ARHGAP10: variants seen among roughly 807,000 people sequenced by gnomAD.
ARHGAP10 encodes the protein Rho GTPase activating protein 10, also known as rho GTPase-activating protein 10.
In ARHGAP10, 87 loss-of-function variants were observed where a neutral mutation model predicts 108.6. The observed-to-expected ratio is 0.80, with a 90% CI of 0.67 to 0.96. ARHGAP10 has a LOEUF of 0.96. Ranked by LOEUF, ARHGAP10 falls within the 40% of genes least tolerant of loss-of-function variation. ARHGAP10 has a pLI of 0.00. For missense variants in ARHGAP10, 939 were observed against 954.5 expected, an observed-to-expected ratio of 0.98 and a Z score of 0.21; for synonymous variants, 347 against 341.1, an observed-to-expected ratio of 1.02 and a Z score of -0.19.
At chr4:147,995,772 A>G (rs2149639726) in intron 18 of ARHGAP10, among the ~76,000 whole-genome samples, 1 of 152,124 alleles carries the variant, frequency 6.6e-6, no homozygotes, top group East Asian at 1.9e-4. Flanking sequence ...GCTGGAATGC[A>G]GTGGCGCGAT....
At position 148,023,213 on chromosome 4, in the gene ARHGAP10, A is replaced by G. The variant is rs762206838; in HGVS notation, c.1717-50A>G. The G allele has an allele frequency of 4.4e-6, 7 of 1,598,006 alleles. No homozygotes were observed. In the Admixed American group the frequency reaches 1.0e-4, roughly 23 times the overall value. Reference sequence around the variant, plus strand: ...GTGCTGGTTTACTGGAGTAACACACAGGTTTCTGTTCATGGTAAATAATTC... The same window carrying G: ...GTGCTGGTTTACTGGAGTAACACACGGGTTTCTGTTCATGGTAAATAATTC... On this transcript the variant is annotated intron_variant, in intron 18 of 22. Coordinates refer to ENST00000336498, the MANE Select transcript of ARHGAP10 (RefSeq NM_024605.4).
chr4:147,791,756 T>G (rs1277576918), intron 1 of ARHGAP10, among the ~76,000 whole-genome samples: 2 of 152,058 alleles, frequency 1.3e-5, no homozygotes, highest in Non-Finnish European at 2.9e-5. Flanking sequence ...AGCTAGTTTT[T>G]GTATTTTTAG....
intron 13 of ARHGAP10, among the ~76,000 whole-genome samples, chr4:147,929,606 A>G (rs916628681): frequency 2.0e-5 from 3 of 152,194 alleles, no homozygotes; most frequent in Non-Finnish European, 4.4e-5. Context: ...ACATTTTTGT[A>G]ATCCACCTAT....
At position 147,999,611 on chromosome 4, in the gene ARHGAP10, C is replaced by A. The variant is rs150449250; in HGVS notation, c.1717-23652C>A. Among the ~76,000 whole-genome samples, 1,210 of 152,334 alleles carry A rather than the reference C, an allele frequency of 7.9e-3. 11 individuals carry two copies. The highest frequency in any genetic ancestry group is 0.028 in the African/African-American group (1,143 of 41,556). On this transcript the variant is annotated intron_variant, in intron 18 of 22. Transcript: ENST00000336498. ...AGTGCCCATGTTCGTCGTAATGGAGCTGAACACTAGTCACTGGGTTCCACG... is the reference window on the plus strand; with the variant it reads ...AGTGCCCATGTTCGTCGTAATGGAGATGAACACTAGTCACTGGGTTCCACG...
At chr4:147,821,507 ATAT>A (rs1308981395) in intron 1 of ARHGAP10, among the ~76,000 whole-genome samples, 2 of 152,208 alleles carry the variant, frequency 1.3e-5, no homozygotes, top group Non-Finnish European at 2.9e-5. Context: ...CAGTGTTCAC[ATAT>A]TATTTTTAAA....
chr4:147,995,191 C>G (rs1388889000), intron 18 of ARHGAP10, among the ~76,000 whole-genome samples: 1 of 152,192 alleles, frequency 6.6e-6, no homozygotes, highest in African/African-American at 2.4e-5. Context: ...GGCAGCCTTC[C>G]CATTCATTCC....
intron 5 of ARHGAP10, among the ~76,000 whole-genome samples, chr4:147,860,015 T>C (rs182950671): frequency 7.2e-5 from 11 of 152,350 alleles, no homozygotes; most frequent in African/African-American, 2.6e-4. Flanking sequence ...TCATTACTTT[T>C]GGCAGTGGTT....
At chr4:148,011,553 G>A (rs746492265) in intron 18 of ARHGAP10, among the ~76,000 whole-genome samples, 1 of 152,204 alleles carries the variant, frequency 6.6e-6, no homozygotes, top group Non-Finnish European at 1.5e-5. Flanking sequence ...AGACTGTAGG[G>A]CCTTTCATGA....
At chr4:147,849,566 A>C (rs1733776554) in intron 4 of ARHGAP10, among the ~76,000 whole-genome samples, 1 of 152,184 alleles carries the variant, frequency 6.6e-6, no homozygotes, top group South Asian at 2.1e-4. Context: ...CCACATCAGA[A>C]TTTTTAGATA....
At chr4:148,036,732 G>T (rs1428180280) in intron 19 of ARHGAP10, among the ~76,000 whole-genome samples, 4 of 152,210 alleles carry the variant, frequency 2.6e-5, no homozygotes, top group Non-Finnish European at 5.9e-5. Flanking sequence ...CATACGGATA[G>T]ATGGAGAGGG....
At chr4:147,991,598 G>A (rs1391316846) in intron 18 of ARHGAP10, among the ~76,000 whole-genome samples, 3 of 152,228 alleles carry the variant, frequency 2.0e-5, no homozygotes, top group African/African-American at 4.8e-5. Context: ...CCCAGAAGGC[G>A]AGGAGGTATT....
chr4:148,053,482 G>A (rs1029740195), intron 20 of ARHGAP10, among the ~76,000 whole-genome samples: 4 of 152,148 alleles, frequency 2.6e-5, no homozygotes, highest in South Asian at 2.1e-4. Flanking sequence ...AGATGCGGGC[G>A]GGAGGGCCTT....
intron 1 of ARHGAP10, among the ~76,000 whole-genome samples, chr4:147,782,997 TTA>T (rs1035836307): frequency 7.3e-6 from 1 of 136,280 alleles, no homozygotes; most frequent in Non-Finnish European, 1.6e-5. Context: ...ATTATATATA[TTA>T]TATAAATTAT....
intron 18 of ARHGAP10, among the ~76,000 whole-genome samples, chr4:148,007,221 G>T (rs12643170): frequency 6.6e-6 from 1 of 151,706 alleles, no homozygotes; most frequent in African/African-American, 2.4e-5. Context: ...TATCTGACAC[G>T]CTTTTCTTTC....
chr4:147,770,902 A>G (rs1450873539), intron 1 of ARHGAP10, among the ~76,000 whole-genome samples: 1 of 152,152 alleles, frequency 6.6e-6, no homozygotes, highest in Admixed American at 6.5e-5. Flanking sequence ...TGTTGGCAGG[A>G]TTGGTTTCCT....
chr4:147,966,846 T>A lies in ARHGAP10; in HGVS notation c.1716+7T>A, dbSNP rs1400059661. ...AATTGAAAACCATGAAAAGGTAAAA[T>A]TTTTTTTTTCTTTAAGAGACTTTGT... On this transcript the variant is annotated splice_region_variant and intron_variant, in intron 18 of 22. Transcript: ENST00000336498. The A allele has an allele frequency of 9.9e-6, 15 of 1,520,070 alleles. No individual in the cohort carries two copies. The highest frequency in any genetic ancestry group is 1.3e-5 in the South Asian group (1 of 77,598). 94.2% of individuals were successfully genotyped at this position (1,520,070 alleles called of 1,614,324 possible). A position where few individuals can be genotyped will look rare whatever the true frequency, so the allele number is the denominator to read the frequency against.
chr4:147,786,515 T>C (rs1410718922), intron 1 of ARHGAP10, among the ~76,000 whole-genome samples: 4 of 152,178 alleles, frequency 2.6e-5, no homozygotes, highest in Middle Eastern at 3.2e-3. Flanking sequence ...TTAACCCAGA[T>C]ACTTTCCCAT....
At chr4:147,858,916 C>A (rs1412077110) in intron 5 of ARHGAP10, among the ~76,000 whole-genome samples, 1 of 152,196 alleles carries the variant, frequency 6.6e-6, no homozygotes, top group Non-Finnish European at 1.5e-5. Flanking sequence ...CTTTCTCTTA[C>A]ACTCCCCATC....
intron 1 of ARHGAP10, among the ~76,000 whole-genome samples, chr4:147,802,574 G>C (rs1384615096): frequency 6.6e-6 from 1 of 152,192 alleles, no homozygotes; most frequent in Non-Finnish European, 1.5e-5. Flanking sequence ...ATAAATAGTG[G>C]TATTTGTGTC....
Sources: allele counts gnomAD v4.1 joint callset (sites outside exome capture counted in the v4.1 genomes callset), GRCh38; gene constraint gnomAD v4.1.1; transcripts MANE v1.5; gene names NCBI Gene and HGNC (gene_info 2026-07-23, HGNC 2026-07-21).